Variants in ITGBL1 observed in about 807,000 individuals in gnomAD.
The protein encoded by ITGBL1 is integrin subunit beta like 1.
A neutral mutation model predicts 68.5 loss-of-function variants in ITGBL1; 51 were observed. The ratio of observed to expected loss-of-function variants is 0.74; its 90% CI spans 0.59 to 0.94. The LOEUF is 0.94. Among genes scored for constraint, ITGBL1 ranks in the 40% least tolerant of loss-of-function variants. ITGBL1 has a pLI of 0.00. For missense variants in ITGBL1, 649 were observed against 647.4 expected, an observed-to-expected ratio of 1.00 and a Z score of -0.03; for synonymous variants, 209 against 227.3, an observed-to-expected ratio of 0.92 and a Z score of 0.72.
intron 7 of ITGBL1, among the ~76,000 whole-genome samples, chr13:101,635,616 A>C (rs1457018417): frequency 1.3e-5 from 2 of 152,102 alleles, no homozygotes; most frequent in Non-Finnish European, 2.9e-5. Flanking sequence ...GCTGATTCCC[A>C]TGGTAAAGAC....
chr13:101,665,600 T>A (rs1594965542), intron 7 of ITGBL1, among the ~76,000 whole-genome samples: 1 of 152,142 alleles, frequency 6.6e-6, no homozygotes, highest in Non-Finnish European at 1.5e-5. Flanking sequence ...CTGTTTGTAT[T>A]TCTTTTTCTT....
intron 3 of ITGBL1, among the ~76,000 whole-genome samples, chr13:101,571,914 C>T (rs982731242): frequency 6.6e-6 from 1 of 151,934 alleles, no homozygotes; most frequent in Non-Finnish European, 1.5e-5. Flanking sequence ...TATGCTTGAG[C>T]ATTTAGACAG....
intron 2 of ITGBL1, among the ~76,000 whole-genome samples, chr13:101,561,742 C>T (rs1420385062): frequency 1.3e-5 from 2 of 152,040 alleles, no homozygotes; most frequent in East Asian, 3.8e-4. Context: ...CTATATCCAG[C>T]AAAAAGTATA....
At chr13:101,637,966 AAAGT>A (rs1256781693) in intron 7 of ITGBL1, among the ~76,000 whole-genome samples, 1 of 152,234 alleles carries the variant, frequency 6.6e-6, no homozygotes, top group Non-Finnish European at 1.5e-5. Context: ...CTTATAAAGT[AAAGT>A]AATACTCTAC....
At chr13:101,507,961 TC>T (rs1055217701) in intron 2 of ITGBL1, among the ~76,000 whole-genome samples, 2 of 152,184 alleles carry the variant, frequency 1.3e-5, no homozygotes, top group African/African-American at 4.8e-5. Context: ...TTTTCTTTTG[TC>T]TGGACCTCTC....
chr13:101,518,207 C>CT (rs2049226630), intron 2 of ITGBL1, among the ~76,000 whole-genome samples: 2 of 152,240 alleles, frequency 1.3e-5, no homozygotes, highest in South Asian at 4.1e-4. Flanking sequence ...TTGTAAATTC[C>CT]TTTTTTCAAT....
At chr13:101,490,907 A>G (rs1305599345) in intron 2 of ITGBL1, among the ~76,000 whole-genome samples, 1 of 152,180 alleles carries the variant, frequency 6.6e-6, no homozygotes, top group Non-Finnish European at 1.5e-5. Context: ...CCCAAGGGCC[A>G]CAGATACTTA....
intron 2 of ITGBL1, among the ~76,000 whole-genome samples, chr13:101,474,200 C>G (rs2048502980): frequency 6.6e-6 from 1 of 152,108 alleles, no homozygotes; most frequent in Non-Finnish European, 1.5e-5. Flanking sequence ...TGGACCCACA[C>G]TGGGCCAGAG....
chr13:101,593,954 A>C (rs1451752816), intron 6 of ITGBL1, among the ~76,000 whole-genome samples: 1 of 152,158 alleles, frequency 6.6e-6, no homozygotes, highest in Non-Finnish European at 1.5e-5. Flanking sequence ...GGTGATCATC[A>C]TGTGAAATAC....
At position 101,514,431 on chromosome 13, in the gene ITGBL1, CATGA is replaced by C. The variant is rs371452183; in HGVS notation, c.317-53263_317-53260del. ...CTTCTAAGTCACAAAGGTGCTGTTT[CATGA>C]ATGACATCAAATTATTATTATTTTT... On this transcript the variant is annotated intron_variant, in intron 2 of 10. Transcript: ENST00000376180. Among the ~76,000 whole-genome samples the C allele has an allele frequency of 1.4e-4, 21 of 152,102 alleles. No homozygotes were observed. The South Asian group carries it at 4.4e-3, about 32-fold the overall frequency.
intron 2 of ITGBL1, among the ~76,000 whole-genome samples, chr13:101,462,982 G>T (rs1431934618): frequency 1.3e-5 from 2 of 152,160 alleles, no homozygotes; most frequent in East Asian, 1.9e-4. Flanking sequence ...TCCTGACATT[G>T]TCACTTGCCC....
chr13:101,593,557 G>T (rs552828444), intron 6 of ITGBL1, among the ~76,000 whole-genome samples: 1 of 151,900 alleles, frequency 6.6e-6, no homozygotes, highest in African/African-American at 2.4e-5. Flanking sequence ...AAAAATTGTG[G>T]TATATATACA....
In ITGBL1 at chr13:101,635,205, G is replaced by A. The variant is rs115505873; in HGVS notation, c.1015+36906G>A. Among the ~76,000 whole-genome samples the A allele has an allele frequency of 7.4e-3, 1,124 of 152,062 alleles. 17 individuals carry two copies. Among genetic ancestry groups the A allele is most frequent in the African/African-American group, 0.025 (1,045 of 41,498 alleles). Reference sequence around the variant, plus strand: ...TTATCTGTGTTGCCTCAGCAAATAAGAGTCTCTCAAGCTTTTGTGGCACAA... The same window carrying A: ...TTATCTGTGTTGCCTCAGCAAATAAAAGTCTCTCAAGCTTTTGTGGCACAA... On this transcript the variant is annotated intron_variant, in intron 7 of 10. Coordinates refer to ENST00000376180, the MANE Select transcript of ITGBL1 (RefSeq NM_004791.3).
At chr13:101,641,287 A>T (rs1474732932) in intron 7 of ITGBL1, among the ~76,000 whole-genome samples, 2 of 152,178 alleles carry the variant, frequency 1.3e-5, no homozygotes, top group African/African-American at 4.8e-5. Context: ...AAATAAATGC[A>T]TTACTTTAAT....
intron 7 of ITGBL1, among the ~76,000 whole-genome samples, chr13:101,685,288 C>T (rs934802121): frequency 2.0e-5 from 3 of 151,934 alleles, no homozygotes; most frequent in African/African-American, 4.8e-5. Context: ...ATTTATTTTA[C>T]GTTGCTGATA....
In ITGBL1 at chr13:101,480,786, T is replaced by C. The variant is rs140642975; in HGVS notation, c.316+26686T>C. On this transcript the variant is annotated intron_variant, in intron 2 of 10. Transcript: ENST00000376180. ...TATTAGAGAAGTACAAAGTGCTTTA[T>C]ATGTGAGGAGTTGGGGTTGTTTTGA... Among the ~76,000 whole-genome samples, 649 of 152,198 alleles carry C rather than the reference T, an allele frequency of 4.3e-3. 4 individuals carry two copies. Among genetic ancestry groups the C allele is most frequent in the African/African-American group, 0.015 (616 of 41,552 alleles).
intron 7 of ITGBL1, 21 bp from the exon 8 acceptor site, chr13:101,692,564 C>T (rs1428698313): frequency 6.6e-7 from 1 of 1,522,464 alleles, no homozygotes. Context: ...CATAAGTGTG[C>T]ACTTTCTTTA....
intron 7 of ITGBL1, among the ~76,000 whole-genome samples, chr13:101,676,455 C>T (rs2033505973): frequency 1.3e-5 from 2 of 152,082 alleles, no homozygotes. Context: ...TGCTGTGTTC[C>T]AATTACTGTA....
At chr13:101,595,475 CTA>C (rs2029904667) in intron 6 of ITGBL1, among the ~76,000 whole-genome samples, 1 of 151,616 alleles carries the variant, frequency 6.6e-6, no homozygotes, top group South Asian at 2.1e-4. Flanking sequence ...AACGTTGAAA[CTA>C]TATCTAACTC....
Sources: allele counts gnomAD v4.1 joint callset (sites outside exome capture counted in the v4.1 genomes callset), GRCh38; gene constraint gnomAD v4.1.1; transcripts MANE v1.5; gene names NCBI Gene and HGNC (gene_info 2026-07-23, HGNC 2026-07-21).